NAALADL2: variants seen among roughly 807,000 people sequenced by gnomAD.
NAALADL2 encodes the protein N-acetylated alpha-linked acidic dipeptidase like 2.
NAALADL2 carries 76 observed loss-of-function variants against 87.2 expected under a neutral mutation model. That is an observed-to-expected ratio of 0.87 (90% CI 0.72 to 1.05). The LOEUF is 1.05. Among genes scored for constraint, NAALADL2 ranks in the 50% least tolerant of loss-of-function variants. The probability of loss-of-function intolerance (pLI) is 0.00; values close to 1 mark genes in which losing one functional copy is unlikely to be tolerated. For missense variants in NAALADL2, 1,089 were observed against 945.8 expected (o/e 1.15, Z -1.99); for synonymous variants, 354 against 331.0 (o/e 1.07, Z -0.75).
chr3:175,416,154 CAG>C (rs1008354693), intron 5 of NAALADL2, among the ~76,000 whole-genome samples: 3 of 151,748 alleles, frequency 2.0e-5, no homozygotes, highest in African/African-American at 7.3e-5. Context: ...AAATTTCAAT[CAG>C]AAATATATTT....
chr3:174,747,742 G>C (rs1404496872), intron 3 of NAALADL2, among the ~76,000 whole-genome samples: 2 of 151,102 alleles, frequency 1.3e-5, no homozygotes, highest in African/African-American at 4.9e-5. Context: ...GATTGTGGAA[G>C]ACACTGTGGT....
chr3:174,710,282 T>A (rs1484419620), intron 2 of NAALADL2, among the ~76,000 whole-genome samples: 2 of 147,834 alleles, frequency 1.4e-5, no homozygotes, highest in African/African-American at 2.5e-5. Context: ...TGAGACCGAG[T>A]CTTGCTCTGT....
chr3:175,411,894 A>G (rs780722905), intron 5 of NAALADL2, among the ~76,000 whole-genome samples: 36 of 152,058 alleles, frequency 2.4e-4, no homozygotes, highest in Non-Finnish European at 3.4e-4. Flanking sequence ...GATTGCTTGC[A>G]AGATGCCAGA....
chr3:175,608,120 GTTA>G (rs987251125), intron 10 of NAALADL2, among the ~76,000 whole-genome samples: 9 of 151,014 alleles, frequency 6.0e-5, no homozygotes, highest in Non-Finnish European at 1.2e-4. Context: ...TCCCACAGAT[GTTA>G]TTATTAATTA....
chr3:175,258,319 A>C (rs11712255), intron 4 of NAALADL2, among the ~76,000 whole-genome samples: 39,766 of 97,404 alleles, frequency 0.41, 6,685 homozygotes, highest in Admixed American at 0.51. Context: ...CTCCGCCCCC[A>C]CCACCAAAAA....
chr3:175,122,208 T>G (rs1327906903), intron 2 of NAALADL2, among the ~76,000 whole-genome samples: 1 of 151,752 alleles, frequency 6.6e-6, no homozygotes, highest in Non-Finnish European at 1.5e-5. Context: ...AGGAAGGAAA[T>G]AGAGGGCCAT....
intron 9 of NAALADL2, among the ~76,000 whole-genome samples, chr3:175,520,322 C>A (rs1429120256): frequency 8.0e-6 from 1 of 125,240 alleles, no homozygotes; most frequent in Non-Finnish European, 1.6e-5. Flanking sequence ...GACGGAGTCT[C>A]GCTCTGTCGC....
At chr3:175,162,183 TC>T (rs1733327115) in intron 2 of NAALADL2, among the ~76,000 whole-genome samples, 4 of 152,118 alleles carry the variant, frequency 2.6e-5, no homozygotes, top group Admixed American at 2.6e-4. Flanking sequence ...TCTCCTTCTC[TC>T]TCTTTCTTAA....
At chr3:175,308,206 C>T (rs923743795) in intron 4 of NAALADL2, among the ~76,000 whole-genome samples, 1 of 152,164 alleles carries the variant, frequency 6.6e-6, no homozygotes, top group Admixed American at 6.5e-5. Flanking sequence ...ACCGTAAGAT[C>T]AGTTGTGCTG....
At chr3:175,141,505 A>G (rs1405187115) in intron 2 of NAALADL2, among the ~76,000 whole-genome samples, 1 of 152,142 alleles carries the variant, frequency 6.6e-6, no homozygotes, top group East Asian at 1.9e-4. Context: ...TCCATGAACT[A>G]TAAGTAAAGG....
intron 3 of NAALADL2, among the ~76,000 whole-genome samples, chr3:174,849,679 G>A (rs1035013940): frequency 2.8e-5 from 4 of 141,090 alleles, no homozygotes; most frequent in South Asian, 2.3e-4. Context: ...AGGTTGCAAT[G>A]AGCTGAGATC....
chr3:175,688,633 G>A (rs972466793), intron 11 of NAALADL2, among the ~76,000 whole-genome samples: 2 of 152,138 alleles, frequency 1.3e-5, no homozygotes, highest in Non-Finnish European at 2.9e-5. Context: ...TGTTGAGGGA[G>A]CCCCCAAACA....
At chr3:174,773,272 C>T (rs11709469) in intron 3 of NAALADL2, among the ~76,000 whole-genome samples, 18,226 of 152,092 alleles carry the variant, frequency 0.12, 1,328 homozygotes, top group Non-Finnish European at 0.16. Context: ...GACAATATCC[C>T]ACAAGCTAAA....
intron 2 of NAALADL2, among the ~76,000 whole-genome samples, chr3:175,151,407 C>A (rs1383347699): frequency 6.6e-6 from 1 of 152,162 alleles, no homozygotes; most frequent in Non-Finnish European, 1.5e-5. Context: ...GCAGTTCTGG[C>A]TGATATACTG....
Position 174,905,423 on chromosome 3 carries a change from C to A in NAALADL2, c.43+45973C>A, listed in dbSNP as rs1463956600. ...AAAGTTGATCATAAGTTTCACAATT[C>A]ATGTATTTTCAGTAGCATATTCGTA... On this transcript the variant is annotated intron_variant, in intron 1 of 13. Coordinates refer to ENST00000454872, the MANE Select transcript of NAALADL2 (RefSeq NM_207015.3). Among the ~76,000 whole-genome samples the A allele has an allele frequency of 6.6e-5, 10 of 150,878 alleles. No individual in the cohort carries two copies. In the East Asian group the frequency reaches 1.9e-3, roughly 29 times the overall value.
chr3:174,617,628 C>T (rs1720587475), intron 2 of NAALADL2, among the ~76,000 whole-genome samples: 1 of 151,528 alleles, frequency 6.6e-6, no homozygotes, highest in South Asian at 2.1e-4. Context: ...CTTAATTAGA[C>T]CTATGTCTAC....
Position 175,190,209 on chromosome 3 carries a change from G to C in NAALADL2, c.546-43722G>C, listed in dbSNP as rs182042463. 2.6e-3 allele frequency among the ~76,000 whole-genome samples: 396 copies of C among 151,682 alleles called. 1 individual carries two copies. Among genetic ancestry groups the C allele is most frequent in the Non-Finnish European group, 5.2e-3 (353 of 67,920 alleles). The stretch of plus-strand genomic sequence containing the variant: ...CTACAGAAACAAAAATAATTAAATA[G>C]TACTACATCAAAGTAAAACTAATCT... On this transcript the variant is annotated intron_variant, in intron 2 of 13. Coordinates refer to ENST00000454872, the MANE Select transcript of NAALADL2 (RefSeq NM_207015.3).
chr3:175,491,685 A>G (rs1320423919), intron 9 of NAALADL2, among the ~76,000 whole-genome samples: 4 of 152,188 alleles, frequency 2.6e-5, no homozygotes, highest in Non-Finnish European at 4.4e-5. Context: ...ATCCTTATGG[A>G]ACAAGACTTT....
intron 11 of NAALADL2, among the ~76,000 whole-genome samples, chr3:175,732,710 T>C (rs1743940407): frequency 6.6e-6 from 1 of 152,146 alleles, no homozygotes; most frequent in Admixed American, 6.5e-5. Context: ...TAGCTCAGTA[T>C]GTCAAAGTCT....
Sources: allele counts gnomAD v4.1 joint callset (sites outside exome capture counted in the v4.1 genomes callset), GRCh38; gene constraint gnomAD v4.1.1; transcripts MANE v1.5; gene names NCBI Gene and HGNC (gene_info 2026-07-23, HGNC 2026-07-21).